Variants in LMAN1L observed in about 807,000 individuals in gnomAD.
LMAN1L encodes protein ERGIC-53-like.
LMAN1L carries 60 observed loss-of-function variants against 58.3 expected under a neutral mutation model. The observed-to-expected ratio is 1.03, with a 90% CI of 0.84 to 1.27. The LOEUF is 1.27. Among genes scored for constraint, LMAN1L ranks in the 50% most tolerant of loss-of-function variants. The probability of loss-of-function intolerance (pLI) is 0.00; values close to 1 mark genes in which losing one functional copy is unlikely to be tolerated. For synonymous variants in LMAN1L, 280 were observed against 271.6 expected (o/e 1.03, Z -0.31); for missense variants, 629 against 674.0 (o/e 0.93, Z 0.74).
chr15:74,820,450 T>C, intron 7 of LMAN1L, 185 bp from the exon 8 acceptor site: 1 of 786,976 alleles, frequency 1.3e-6, no homozygotes, highest in Non-Finnish European at 2.1e-6. Flanking sequence ...CATATAGGCT[T>C]GAGGCCACAG....
At chr15:74,815,186 T>C (rs558619188) in intron 1 of LMAN1L, among the ~76,000 whole-genome samples, 44 of 152,360 alleles carry the variant, frequency 2.9e-4, no homozygotes, top group African/African-American at 1.0e-3. Context: ...GAAAGCCTTC[T>C]GCAAGGATTT....
chr15:74,825,572 G>A lies in LMAN1L; in HGVS notation c.1548G>A (p.Arg516=), dbSNP rs781233710. The part of the protein sequence containing the change: ...PHTPRALGIL[R]RQPLPASMPA ...CCCCCAGGGCCCTGGGGATTCTGAG[G>A]AGGCAGCCTCTCCCTGCCAGCATGC... The change falls in exon 14 of 14, where the codon AGG becomes AGA. Residue 516 remains arginine (R), a synonymous_variant. Transcript: ENST00000309664. 8 of 1,612,854 alleles carry A rather than the reference G, an allele frequency of 5.0e-6. No individual in the cohort carries two copies. In the Admixed American group the frequency reaches 1.0e-4, roughly 20 times the overall value.
Position 74,816,621 on chromosome 15 carries a change from C to T in LMAN1L, c.439-11C>T, listed in dbSNP as rs370635758. 343 of 1,612,290 alleles carry T rather than the reference C, an allele frequency of 2.1e-4. No individual in the cohort carries two copies. Among genetic ancestry groups the T allele is most frequent in the Non-Finnish European group, 2.8e-4 (325 of 1,179,068 alleles). ...TGTCCGCGGCTCAGGCTGCTTCTCA[C>T]CTCCCTGCAGGACAGTCCTGCCATC... On this transcript the variant is annotated splice_polypyrimidine_tract_variant and intron_variant, in intron 3 of 13. Transcript: ENST00000309664.
At position 74,816,521 on chromosome 15, in the gene LMAN1L, C is replaced by A; in HGVS notation, c.425C>A (p.Ala142Glu). The change falls in exon 3 of 14, where the codon GCA (alanine) becomes GAA (glutamate). Residue 142 changes from alanine (A) to glutamate (E), a missense_variant. Ala to Glu is a moderately radical substitution (Grantham distance 107). This residue lies in a region of LMAN1L where 573 missense variants were observed against 597.3 expected (regional missense o/e 0.96). Coordinates refer to ENST00000309664, the MANE Select transcript of LMAN1L (RefSeq NM_021819.3). ...DGIGIFFDSP[A>E]EDTQDSPAIR... ...ATCGGGATCTTCTTTGACTCTCCGG[C>A]AGAGGATACTCAGGTGCGTAGTGGT... is the stretch of plus-strand genomic sequence containing the variant. 6.4e-7 allele frequency: 1 copy of A among 1,557,726 alleles called. No individual in the cohort carries two copies. Among genetic ancestry groups the A allele is most frequent in the Admixed American group, 1.8e-5 (1 of 54,952 alleles).
At chr15:74,822,942 G>A (rs2063923775) in intron 11 of LMAN1L, among the ~76,000 whole-genome samples, 1 of 152,194 alleles carries the variant, frequency 6.6e-6, no homozygotes, top group Non-Finnish European at 1.5e-5. Flanking sequence ...CCATCATGAA[G>A]GCCCCCTCAG....
intron 4 of LMAN1L, among the ~76,000 whole-genome samples, chr15:74,817,967 C>T (rs1189815599): frequency 3.3e-5 from 5 of 149,304 alleles, no homozygotes; most frequent in Non-Finnish European, 7.4e-5. Flanking sequence ...GAGCCGAGAT[C>T]GCGCCACTGC....
chr15:74,815,909 A>T (rs1193315426), intron 1 of LMAN1L, among the ~76,000 whole-genome samples: 2 of 152,248 alleles, frequency 1.3e-5, no homozygotes, highest in East Asian at 3.8e-4. Context: ...TTATAAAAAC[A>T]GACAGCACAC....
intron 5 of LMAN1L, 123 bp from the exon 6 acceptor site, chr15:74,819,029 C>T (rs1567224282): frequency 2.5e-6 from 3 of 1,209,976 alleles, no homozygotes; most frequent in Non-Finnish European, 3.5e-6. Flanking sequence ...ACCAGGAGTG[C>T]GGGTCACCTC....
At chr15:74,824,711 T>A in intron 13 of LMAN1L, 1 of 485,166 alleles carries the variant, frequency 2.1e-6, no homozygotes. Flanking sequence ...CTCACACAGG[T>A]CTAACTGACC....
chr15:74,820,288 G>A lies in LMAN1L; in HGVS notation c.774+189G>A, dbSNP rs2063910463. The A allele has an allele frequency of 5.5e-5, 35 of 637,200 alleles. 1 individual carries two copies. The South Asian group carries it at 5.7e-4, about 10-fold the overall frequency. 39.5% of individuals were successfully genotyped at this position (637,200 alleles called of 1,614,324 possible). On this transcript the variant is annotated intron_variant, in intron 7 of 13. Transcript: ENST00000309664. ...TGTGTGAGGTCTCGCAGGCTGGCTG[G>A]CTCAGGCTGTGACATTACAGTTCAG...
chr15:74,821,524 G>A (rs575434785), intron 9 of LMAN1L, among the ~76,000 whole-genome samples: 2 of 152,328 alleles, frequency 1.3e-5, no homozygotes, highest in African/African-American at 2.4e-5. Flanking sequence ...CTTCACATGC[G>A]ATTTGCATAG....
intron 4 of LMAN1L, among the ~76,000 whole-genome samples, chr15:74,817,514 C>T (rs954924128): frequency 7.9e-5 from 12 of 152,160 alleles, no homozygotes; most frequent in African/African-American, 2.7e-4. Context: ...CCTGAGGTGT[C>T]CAGAGACACT....
In LMAN1L at chr15:74,820,638, C is replaced by G. The variant is rs565827254; in HGVS notation, c.778C>G (p.Pro260Ala). The change falls in exon 8 of 14, where the codon CCC becomes GCC. Residue 260 changes from proline to alanine, a missense_variant. Coordinates refer to ENST00000309664, the MANE Select transcript of LMAN1L (RefSeq NM_021819.3). ...ACTTTCTGTCTTCCTCCCCTAGGTT[C>G]CCCCTCAGCCCTTCCTGGAGATGCA... ...FSLSEPSPEV[P>A]PQPFLEMQQL... is the part of the protein sequence containing the mutation. The G allele has an allele frequency of 4.3e-6, 7 of 1,613,850 alleles. No homozygotes were observed. The African/African-American group carries it at 9.3e-5, about 22-fold the overall frequency.
chr15:74,820,249 C>T (rs1184335938), intron 7 of LMAN1L, 150 bp downstream of exon 7: 7 of 743,530 alleles, frequency 9.4e-6, no homozygotes, highest in Non-Finnish European at 1.6e-5. Context: ...GGCAGTGCTG[C>T]GGGCCAGGGC....
chr15:74,816,069 T>C, intron 1 of LMAN1L, 88 bp from the exon 2 acceptor site: 1 of 1,455,694 alleles, frequency 6.9e-7, no homozygotes, highest in Non-Finnish European at 9.1e-7. Flanking sequence ...CGCCTTCTCT[T>C]CCGGGAGCCC....
Position 74,824,484 on chromosome 15 carries a change from C to T in LMAN1L, c.1451+6C>T. The stretch of plus-strand genomic sequence containing the variant: ...TTCGGCTACGTGCACTTCAGGTGGG[C>T]CACCCCGTGAGCAGGATTTCCCACA... On this transcript the variant is annotated splice_donor_region_variant and intron_variant, in intron 13 of 13. Transcript: ENST00000309664. 6.2e-7 allele frequency: 1 copy of T among 1,613,982 alleles called. No individual in the cohort carries two copies. Among genetic ancestry groups the T allele is most frequent in the Non-Finnish European group, 8.5e-7 (1 of 1,179,878 alleles).
intron 4 of LMAN1L, among the ~76,000 whole-genome samples, chr15:74,817,544 C>T (rs2063897351): frequency 6.6e-6 from 1 of 152,132 alleles, no homozygotes; most frequent in African/African-American, 2.4e-5. Flanking sequence ...ACACTCTTCT[C>T]CTGACTCCCC....
intron 1 of LMAN1L, chr15:74,813,295 G>A: frequency 1.7e-6 from 1 of 597,790 alleles, no homozygotes; most frequent in Admixed American, 2.1e-5. Flanking sequence ...GCCTCTCCTT[G>A]GACCCCTGCC....
In LMAN1L at chr15:74,823,558, G is replaced by A. The variant is rs752683861; in HGVS notation, c.1200-1G>A. 8.7e-6 allele frequency: 14 copies of A among 1,613,610 alleles called. No individual in the cohort carries two copies. The highest frequency in any genetic ancestry group is 7.7e-5 in the South Asian group (7 of 91,078). ...CTTACTTGGTTACCACCCCCGGTTA[G>A]GGATGCAGCTGTCCGCATGGCTGCA... On this transcript the variant is annotated splice_acceptor_variant, in intron 11 of 13. Coordinates refer to ENST00000309664, the MANE Select transcript of LMAN1L (RefSeq NM_021819.3). LOFTEE classifies it high-confidence loss of function.
Sources: gnomAD v4.1 joint callset for allele counts (sites outside exome capture counted in the v4.1 genomes callset) on GRCh38, gnomAD v4.1.1 for gene constraint, gnomAD v4.1.1 regional missense constraint, MANE v1.5 for transcripts, NCBI Gene and HGNC (gene_info 2026-07-23, HGNC 2026-07-21) for gene names.